STOX1: variants seen among roughly 807,000 people sequenced by gnomAD.
STOX1 encodes the protein storkhead box 1, also known as storkhead-box protein 1.
A neutral mutation model predicts 74.8 loss-of-function variants in STOX1; 57 were observed. The observed-to-expected ratio is 0.76, with a 90% CI of 0.62 to 0.95. STOX1 has a LOEUF of 0.95. Ranked by LOEUF, STOX1 falls within the 40% of genes least tolerant of loss-of-function variation. The pLI, the probability that STOX1 is intolerant of heterozygous loss-of-function variation, is 0.00. For synonymous variants in STOX1, 375 were observed against 401.3 expected, an observed-to-expected ratio of 0.93 and a Z score of 0.78; for missense variants, 1,010 against 1,117.0, an observed-to-expected ratio of 0.90 and a Z score of 1.37.
At chr10:68,870,996 C>G (rs1477543900) in intron 1 of STOX1, among the ~76,000 whole-genome samples, 1 of 152,170 alleles carries the variant, frequency 6.6e-6, no homozygotes, top group Non-Finnish European at 1.5e-5. Context: ...ACTAAGTTTG[C>G]TGTAATTGAT....
Position 68,885,238 on chromosome 10 carries a change from C to T in STOX1, c.1442C>T (p.Thr481Ile). 1 of 1,614,216 alleles carries T rather than the reference C, an allele frequency of 6.2e-7. No individual in the cohort carries two copies. Among genetic ancestry groups the T allele is most frequent in the Non-Finnish European group, 8.5e-7 (1 of 1,180,050 alleles). ...CAGAAACCACTTGGTGAGATTACAA[C>T]AGTGCTAGGTTCCCATTTGATTTAC... is the stretch of plus-strand genomic sequence containing the variant. ...VGQKPLGEIT[T>I]VLGSHLIYKK... The change falls in exon 3 of 4, where the codon ACA becomes ATA. Residue 481 changes from threonine (T) to isoleucine (I), a missense_variant. By Grantham distance (89) the Thr-to-Ile change is moderately conservative. Transcript: ENST00000298596.
chr10:68,838,470 T>C (rs1032526847), intron 1 of STOX1, among the ~76,000 whole-genome samples: 8 of 152,160 alleles, frequency 5.3e-5, no homozygotes, highest in Non-Finnish European at 8.8e-5. Context: ...TTCTAAGAAT[T>C]TTTGTGTGTG....
chr10:68,837,367 G>A (rs1360339926), intron 1 of STOX1, among the ~76,000 whole-genome samples: 2 of 152,208 alleles, frequency 1.3e-5, no homozygotes, highest in Non-Finnish European at 2.9e-5. Flanking sequence ...AAGCTTCTGG[G>A]TGCAGCTGGA....
chr10:68,837,024 C>T (rs1339683843), intron 1 of STOX1, among the ~76,000 whole-genome samples: 1 of 152,170 alleles, frequency 6.6e-6, no homozygotes, highest in Non-Finnish European at 1.5e-5. Context: ...CGCTTGCAGT[C>T]GTTTGTTAGG....
At chr10:68,845,790 C>T (rs771573842) in intron 1 of STOX1, among the ~76,000 whole-genome samples, 13 of 151,244 alleles carry the variant, frequency 8.6e-5, no homozygotes, top group African/African-American at 2.4e-4. Context: ...TTAGTAGAGA[C>T]GGGGCTTCAC....
chr10:68,875,215 G>A (rs1226800036), intron 1 of STOX1, among the ~76,000 whole-genome samples: 1 of 152,192 alleles, frequency 6.6e-6, no homozygotes, highest in Non-Finnish European at 1.5e-5. Flanking sequence ...CCCAACCTGG[G>A]GGAAAATCAC....
chr10:68,874,013 C>CTTTTTTTTTTTTTTT lies in STOX1; in HGVS notation c.311-7936_311-7922dup, dbSNP rs1160388935. ...GAAAAATTGCAGATAGCTAGGTAGC[C>CTTTTTTTTTTTTTTT]TTTTTTTTTTTTTTTTTTTTTTTGC... On this transcript the variant is annotated intron_variant, in intron 1 of 3. Transcript: ENST00000298596. Among the ~76,000 whole-genome samples, 2 of 25,752 alleles carry CTTTTTTTTTTTTTTT rather than the reference C, an allele frequency of 7.8e-5. 1 individual carries two copies. The highest frequency in any genetic ancestry group is 3.6e-4 in the African/African-American group (2 of 5,536). 16.9% of individuals were successfully genotyped at this position (25,752 alleles called of 152,430 possible). A position where few individuals can be genotyped will look rare whatever the true frequency, so the allele number is the denominator to read the frequency against.
chr10:68,850,012 TTTTTTG>T (rs1171997511), intron 1 of STOX1, among the ~76,000 whole-genome samples: 1 of 151,986 alleles, frequency 6.6e-6, no homozygotes, highest in African/African-American at 2.4e-5. Context: ...CAGAGCTGTG[TTTTTTG>T]TTTTTGTTTT....
intron 1 of STOX1, among the ~76,000 whole-genome samples, chr10:68,880,152 T>C (rs1334457371): frequency 7.0e-6 from 1 of 143,378 alleles, no homozygotes; most frequent in Admixed American, 7.4e-5. Flanking sequence ...CTGAAATAGT[T>C]TTCTTTCTTT....
intron 1 of STOX1, among the ~76,000 whole-genome samples, chr10:68,838,379 T>C (rs1839612637): frequency 6.6e-6 from 1 of 152,162 alleles, no homozygotes; most frequent in Non-Finnish European, 1.5e-5. Flanking sequence ...ATTTCCTTTT[T>C]GGATAGTTTA....
At chr10:68,891,250 G>A (rs1338378976) in intron 3 of STOX1, among the ~76,000 whole-genome samples, 2 of 152,160 alleles carry the variant, frequency 1.3e-5, no homozygotes, top group Non-Finnish European at 2.9e-5. Flanking sequence ...TGCCATGATG[G>A]TTATAAGGAT....
At chr10:68,874,805 T>C (rs1840636218) in intron 1 of STOX1, among the ~76,000 whole-genome samples, 1 of 152,226 alleles carries the variant, frequency 6.6e-6, no homozygotes, top group African/African-American at 2.4e-5. Flanking sequence ...TTGATGTAGA[T>C]ACCTGGATTT....
intron 1 of STOX1, among the ~76,000 whole-genome samples, chr10:68,874,179 T>C (rs1840619592): frequency 6.6e-6 from 1 of 152,008 alleles, no homozygotes; most frequent in South Asian, 2.1e-4. Flanking sequence ...GGTTTCCCTA[T>C]AAAAACTAAA....
At chr10:68,843,121 C>A (rs1839737418) in intron 1 of STOX1, among the ~76,000 whole-genome samples, 1 of 152,200 alleles carries the variant, frequency 6.6e-6, no homozygotes, top group Admixed American at 6.5e-5. Context: ...TCACTACAAC[C>A]TCAGACTCCT....
chr10:68,873,896 G>A (rs1329806592), intron 1 of STOX1, among the ~76,000 whole-genome samples: 2 of 150,724 alleles, frequency 1.3e-5, no homozygotes, highest in Admixed American at 1.3e-4. Flanking sequence ...TGATCCACCC[G>A]CCTCGGCCTC....
At chr10:68,863,690 C>T (rs1042082790) in intron 1 of STOX1, among the ~76,000 whole-genome samples, 1 of 152,036 alleles carries the variant, frequency 6.6e-6, no homozygotes, top group Admixed American at 6.6e-5. Flanking sequence ...TTACTCCTAG[C>T]TGTTTGCAAT....
intron 1 of STOX1, among the ~76,000 whole-genome samples, chr10:68,832,700 T>C (rs1459620768): frequency 1.3e-5 from 2 of 151,376 alleles, no homozygotes; most frequent in Non-Finnish European, 2.9e-5. Context: ...TGCTGGTGGC[T>C]CTTTTTAAAT....
chr10:68,887,143 G>A (rs1840983698), intron 3 of STOX1, among the ~76,000 whole-genome samples: 1 of 152,098 alleles, frequency 6.6e-6, no homozygotes, highest in South Asian at 2.1e-4. Flanking sequence ...AAATTTGACT[G>A]TCCCCACTAC....
intron 3 of STOX1, among the ~76,000 whole-genome samples, chr10:68,888,802 A>ATT (rs35174437): frequency 0.064 from 2,045 of 32,054 alleles, 450 homozygotes; most frequent in East Asian, 0.23. Context: ...TGCCCAGCTA[A>ATT]TTTTTTTTTT....
Sources: allele counts gnomAD v4.1 joint callset (sites outside exome capture counted in the v4.1 genomes callset), GRCh38; gene constraint gnomAD v4.1.1; transcripts MANE v1.5; gene names NCBI Gene and HGNC (gene_info 2026-07-23, HGNC 2026-07-21).